Variants in TRIM62 observed in about 807,000 individuals in gnomAD.
TRIM62 encodes the protein E3 ubiquitin-protein ligase TRIM62.
Under a neutral mutation model 44.2 loss-of-function variants are expected in TRIM62, and 39 were observed. The ratio of observed to expected loss-of-function variants is 0.88; its 90% CI spans 0.68 to 1.15. TRIM62 has a LOEUF of 1.15. Among genes scored for constraint, TRIM62 ranks in the 50% most tolerant of loss-of-function variants. The pLI, the probability that TRIM62 is intolerant of heterozygous loss-of-function variation, is 0.00. For missense variants in TRIM62, 544 were observed against 665.5 expected, an observed-to-expected ratio of 0.82 and a Z score of 2.01; for synonymous variants, 278 against 292.3, an observed-to-expected ratio of 0.95 and a Z score of 0.50.
chr1:33,170,716 C>T (rs950332246), intron 1 of TRIM62, among the ~76,000 whole-genome samples: 6 of 152,278 alleles, frequency 3.9e-5, no homozygotes, highest in African/African-American at 1.2e-4. Context: ...AGCTGTGTCA[C>T]CCCTCCCGCT....
intron 4 of TRIM62, among the ~76,000 whole-genome samples, chr1:33,154,808 AAG>A (rs1645153284): frequency 8.3e-6 from 1 of 120,292 alleles, no homozygotes. Context: ...CAAAAAAAAA[AAG>A]TGGCCAGGCG....
At chr1:33,176,809 T>G (rs1486975524) in intron 1 of TRIM62, among the ~76,000 whole-genome samples, 1 of 152,226 alleles carries the variant, frequency 6.6e-6, no homozygotes, top group Admixed American at 6.5e-5. Flanking sequence ...TGTTTCTTCA[T>G]CAGTAGAAGA....
At chr1:33,171,599 T>TA (rs1645375198) in intron 1 of TRIM62, among the ~76,000 whole-genome samples, 1 of 152,160 alleles carries the variant, frequency 6.6e-6, no homozygotes, top group African/African-American at 2.4e-5. Context: ...GGTGGGCCTA[T>TA]ACATGGTCCT....
At chr1:33,160,017 C>T (rs1262084431) in intron 2 of TRIM62, 73 bp from the exon 3 acceptor site, 12 of 1,556,556 alleles carry the variant, frequency 7.7e-6, no homozygotes, top group Middle Eastern at 1.7e-4. Context: ...AGGAGGAAAT[C>T]GAGAGCCTTG....
intron 2 of TRIM62, among the ~76,000 whole-genome samples, chr1:33,160,616 G>C (rs1337905845): frequency 1.3e-5 from 2 of 152,050 alleles, no homozygotes; most frequent in African/African-American, 2.4e-5. Context: ...TGTTGGCCAG[G>C]CTGGTCTCAA....
chr1:33,155,469 T>G (rs572493264), intron 4 of TRIM62, among the ~76,000 whole-genome samples: 1 of 152,086 alleles, frequency 6.6e-6, no homozygotes, highest in African/African-American at 2.4e-5. Context: ...CTGTGTGACC[T>G]GAGGGAGTCA....
rs746412010 is a variant in TRIM62, at chr1:33,159,680, G to C, written c.761+8C>G. On this transcript the variant is annotated splice_region_variant and intron_variant, in intron 3 of 4. Coordinates refer to ENST00000291416, the MANE Select transcript of TRIM62 (RefSeq NM_018207.3). This position sits in a 1 kb window ranked among gnomAD's most constrained non-coding sequence, Gnocchi z 4.2. ...CAGCCGGGGAGGGCCCCGGCGGGTG[G>C]CACTTACCGCTCGGACAGTGAGGCC... 6.2e-7 allele frequency: 1 copy of C among 1,601,794 alleles called. No individual in the cohort carries two copies. The highest frequency in any genetic ancestry group is 1.7e-5 in the Admixed American group (1 of 59,868).
At position 33,165,333 on chromosome 1, in the gene TRIM62, T is replaced by A; in HGVS notation, c.504+138A>T. On this transcript the variant is annotated intron_variant, in intron 2 of 4. Transcript: ENST00000291416. This position sits in a 1 kb window ranked among gnomAD's most constrained non-coding sequence, Gnocchi z 4.0. ...TACCCTCTTCCCCACCCTGCCCTTC[T>A]CACTCCAGGTTTGGCTCCTTGAAGC... 1 of 709,006 alleles carries A rather than the reference T, an allele frequency of 1.4e-6. No individual in the cohort carries two copies. The allele number at this position is 709,006 out of a possible 1,614,324, so 43.9% of individuals were successfully genotyped here.
chr1:33,177,927 C>T lies in TRIM62; in HGVS notation c.408+3098G>A, dbSNP rs200060275. The stretch of plus-strand genomic sequence containing the variant: ...TGCTGTCCATGAAGGACCCAAGGCT[C>T]AGAGATGGTAAATAATCTTCCCAAA... On this transcript the variant is annotated intron_variant, in intron 1 of 4. Transcript: ENST00000291416. The surrounding 1 kb of genome is among the most constrained non-coding windows in gnomAD (Gnocchi z 4.1). Among the ~76,000 whole-genome samples, 14 of 152,278 alleles carry T rather than the reference C, an allele frequency of 9.2e-5. No homozygotes were observed. In the East Asian group the frequency reaches 2.1e-3, roughly 23 times the overall value.
At chr1:33,175,031 T>TATTTA (rs1161088243) in intron 1 of TRIM62, among the ~76,000 whole-genome samples, 1 of 147,102 alleles carries the variant, frequency 6.8e-6, no homozygotes, top group Non-Finnish European at 1.5e-5. Context: ...ATGTATATGT[T>TATTTA]TATGTATATG....
intron 1 of TRIM62, among the ~76,000 whole-genome samples, chr1:33,173,700 T>C (rs1286441247): frequency 2.0e-5 from 3 of 150,170 alleles, no homozygotes; most frequent in African/African-American, 7.4e-5. Context: ...TTTCCCTAAT[T>C]AAAAAAAATT....
chr1:33,174,758 TCA>T (rs1400367404), intron 1 of TRIM62, among the ~76,000 whole-genome samples: 2 of 152,122 alleles, frequency 1.3e-5, no homozygotes, highest in Non-Finnish European at 2.9e-5. Context: ...AGAGCAAGCC[TCA>T]GTTACAGCAA....
chr1:33,154,806 A>G (rs542276355), intron 4 of TRIM62, among the ~76,000 whole-genome samples: 1 of 123,916 alleles, frequency 8.1e-6, no homozygotes, highest in South Asian at 2.7e-4. Context: ...TCCAAAAAAA[A>G]AAAGTGGCCA....
chr1:33,151,412 G>A (rs905891854), intron 4 of TRIM62, among the ~76,000 whole-genome samples: 5 of 152,128 alleles, frequency 3.3e-5, no homozygotes, highest in Non-Finnish European at 7.4e-5. Flanking sequence ...CACCTCCAAG[G>A]CCTTGCACGA....
At chr1:33,158,599 T>C (rs1222532841) in intron 3 of TRIM62, among the ~76,000 whole-genome samples, 2 of 152,256 alleles carry the variant, frequency 1.3e-5, no homozygotes, top group African/African-American at 2.4e-5. Flanking sequence ...TCTAGGCTTT[T>C]TGTGAGAATT....
Position 33,147,527 on chromosome 1 carries a change from TCTC to T in TRIM62, c.1075_1077del (p.Glu359del). Reference sequence around the variant, plus strand: ...GCCAGCCCGATCACCCACTGGGTCTTCTCCGCCACCACCACCTCCCAGTAGTGG... The same window carrying T: ...GCCAGCCCGATCACCCACTGGGTCTTCGCCACCACCACCTCCCAGTAGTGG... On this transcript the variant is annotated inframe_deletion, in exon 5 of 5. Coordinates refer to ENST00000291416, the MANE Select transcript of TRIM62 (RefSeq NM_018207.3). This position sits in a 1 kb window ranked among gnomAD's most constrained non-coding sequence, Gnocchi z 8.1. 6.2e-7 allele frequency: 1 copy of T among 1,613,842 alleles called. No homozygotes were observed. Among genetic ancestry groups the T allele is most frequent in the Non-Finnish European group, 8.5e-7 (1 of 1,179,992 alleles).
intron 4 of TRIM62, among the ~76,000 whole-genome samples, chr1:33,151,747 A>G (rs7545367): frequency 0.03 from 4,498 of 152,266 alleles, 207 homozygotes; most frequent in African/African-American, 0.092. Flanking sequence ...CATCTCTGAG[A>G]CCTTGAGGTC....
Position 33,177,468 on chromosome 1 carries a change from T to A in TRIM62, c.408+3557A>T. Among the ~76,000 whole-genome samples the A allele has an allele frequency of 6.6e-6, 1 of 152,156 alleles. No individual in the cohort carries two copies. Among genetic ancestry groups the A allele is most frequent in the East Asian group, 1.9e-4 (1 of 5,186 alleles). Reference sequence around the variant, plus strand: ...ACCAAGGACACACAGCATGTCAGGATCTGACCCCTGTGATGTAATCTGGAG... The same window carrying A: ...ACCAAGGACACACAGCATGTCAGGAACTGACCCCTGTGATGTAATCTGGAG... On this transcript the variant is annotated intron_variant, in intron 1 of 4. Transcript: ENST00000291416. The surrounding 1 kb of genome is among the most constrained non-coding windows in gnomAD (Gnocchi z 4.1).
At chr1:33,163,340 A>G (rs1645294617) in intron 2 of TRIM62, 1 of 151,032 alleles carries the variant, frequency 6.6e-6, no homozygotes, top group Non-Finnish European at 1.5e-5. Flanking sequence ...TGCCTGGCCG[A>G]TTTTTTTTTC....
Sources: gnomAD v4.1 joint callset for allele counts (sites outside exome capture counted in the v4.1 genomes callset) on GRCh38, gnomAD v4.1.1 for gene constraint, Gnocchi (gnomAD v3.1) non-coding constraint, MANE v1.5 for transcripts, NCBI Gene and HGNC (gene_info 2026-07-23, HGNC 2026-07-21) for gene names.